The following SLC35F1 variants were observed in gnomAD, a reference collection of about 807,000 sequenced individuals.
SLC35F1 encodes the protein chromosome 6 open reading frame 169.
A neutral mutation model predicts 48.7 loss-of-function variants in SLC35F1; 14 were observed. That is an observed-to-expected ratio of 0.29 (90% CI 0.19 to 0.45). The LOEUF (loss-of-function observed/expected upper bound fraction) is 0.45, where lower values mean the gene tolerates loss of function less well. Ranked by LOEUF, SLC35F1 falls within the 20% of genes least tolerant of loss-of-function variation. The pLI, the probability that SLC35F1 is intolerant of heterozygous loss-of-function variation, is 1.00. For synonymous variants in SLC35F1, 190 were observed against 202.2 expected, an observed-to-expected ratio of 0.94 and a Z score of 0.51; for missense variants, 404 against 500.0, an observed-to-expected ratio of 0.81 and a Z score of 1.83.
chr6:118,039,260 C>A (rs1772176510), intron 1 of SLC35F1, among the ~76,000 whole-genome samples: 1 of 151,792 alleles, frequency 6.6e-6, no homozygotes. Context: ...TATCATTTTT[C>A]TCTAGTTCAT....
chr6:118,122,258 A>C (rs1054674351), intron 1 of SLC35F1, among the ~76,000 whole-genome samples: 8 of 151,050 alleles, frequency 5.3e-5, no homozygotes, highest in Non-Finnish European at 7.4e-5. Flanking sequence ...AAAAAAAAAA[A>C]CATGAAAATG....
At chr6:118,027,697 T>G (rs1372493474) in intron 1 of SLC35F1, among the ~76,000 whole-genome samples, 1 of 152,116 alleles carries the variant, frequency 6.6e-6, no homozygotes, top group Non-Finnish European at 1.5e-5. Context: ...TCATATATTC[T>G]AGATACAAGC....
At chr6:118,043,902 AG>A (rs1477543690) in intron 1 of SLC35F1, among the ~76,000 whole-genome samples, 1 of 152,198 alleles carries the variant, frequency 6.6e-6, no homozygotes, top group African/African-American at 2.4e-5. Flanking sequence ...GGCCTTTTAG[AG>A]GAATCTGATT....
chr6:118,075,511 A>C (rs7757090), intron 1 of SLC35F1, among the ~76,000 whole-genome samples: 26,697 of 152,230 alleles, frequency 0.18, 2,578 homozygotes, highest in Admixed American at 0.28. Context: ...GCAAAGATTA[A>C]GATGACAAAT....
chr6:118,179,317 G>A (rs377569155), intron 2 of SLC35F1, among the ~76,000 whole-genome samples: 1 of 152,156 alleles, frequency 6.6e-6, no homozygotes, highest in African/African-American at 2.4e-5. Flanking sequence ...CTGAGAACAG[G>A]AAGAAAAGGA....
intron 1 of SLC35F1, among the ~76,000 whole-genome samples, chr6:118,136,303 C>T (rs1378091062): frequency 6.6e-6 from 1 of 152,224 alleles, no homozygotes; most frequent in South Asian, 2.1e-4. Context: ...TGTTTTATGT[C>T]TAGACCTCTC....
At chr6:118,237,643 G>A (rs1188473196) in intron 3 of SLC35F1, among the ~76,000 whole-genome samples, 1 of 152,120 alleles carries the variant, frequency 6.6e-6, no homozygotes, top group Non-Finnish European at 1.5e-5. Flanking sequence ...GCCCACCTCA[G>A]CCTCCTAAAG....
At chr6:118,245,457 T>G (rs529074220) in intron 3 of SLC35F1, among the ~76,000 whole-genome samples, 8 of 152,252 alleles carry the variant, frequency 5.3e-5, no homozygotes, top group African/African-American at 1.9e-4. Flanking sequence ...TGGCTAGTAG[T>G]TGGATGTGCA....
At chr6:118,107,229 T>C (rs1271532601) in intron 1 of SLC35F1, among the ~76,000 whole-genome samples, 2 of 152,224 alleles carry the variant, frequency 1.3e-5, no homozygotes, top group Non-Finnish European at 2.9e-5. Context: ...TGTTTAAAGC[T>C]GCTTAAGTCT....
At chr6:117,962,668 C>T (rs1776514196) in intron 1 of SLC35F1, among the ~76,000 whole-genome samples, 1 of 152,192 alleles carries the variant, frequency 6.6e-6, no homozygotes, top group South Asian at 2.1e-4. Context: ...AGACACTGGA[C>T]TCCCCTGGAG....
At chr6:118,195,465 T>C (rs921305239) in intron 2 of SLC35F1, among the ~76,000 whole-genome samples, 1 of 152,154 alleles carries the variant, frequency 6.6e-6, no homozygotes, top group Admixed American at 6.5e-5. Context: ...ACCTAAAGTA[T>C]TGGCTTTGCT....
intron 2 of SLC35F1, among the ~76,000 whole-genome samples, chr6:118,193,762 T>C (rs1207421585): frequency 2.0e-5 from 3 of 152,128 alleles, no homozygotes; most frequent in Non-Finnish European, 4.4e-5. Context: ...CTTTCCAGCA[T>C]AGCTAGGGGT....
chr6:118,096,096 A>G (rs1464639981), intron 1 of SLC35F1, among the ~76,000 whole-genome samples: 1 of 152,144 alleles, frequency 6.6e-6, no homozygotes, highest in Non-Finnish European at 1.5e-5. Flanking sequence ...AGATTGGAAT[A>G]CTCCTGCTAA....
chr6:118,271,765 T>C (rs1775855001), intron 4 of SLC35F1, among the ~76,000 whole-genome samples: 1 of 152,182 alleles, frequency 6.6e-6, no homozygotes, highest in Admixed American at 6.5e-5. Context: ...TTGATTGGAA[T>C]CAAGGAGCAA....
At chr6:118,115,991 T>G (rs938557423) in intron 1 of SLC35F1, among the ~76,000 whole-genome samples, 2 of 152,230 alleles carry the variant, frequency 1.3e-5, no homozygotes, top group African/African-American at 2.4e-5. Context: ...TATAGATCTG[T>G]TCGAAGTCCA....
At chr6:117,936,613 T>C (rs1776166064) in intron 1 of SLC35F1, among the ~76,000 whole-genome samples, 1 of 152,234 alleles carries the variant, frequency 6.6e-6, no homozygotes, top group Admixed American at 6.5e-5. Flanking sequence ...TCTAGCACTG[T>C]TGTGAATTTA....
chr6:117,975,891 C>A (rs747032086), intron 1 of SLC35F1, among the ~76,000 whole-genome samples: 3 of 152,160 alleles, frequency 2.0e-5, no homozygotes. Context: ...GGAAATTCTG[C>A]TTTTTACATG....
chr6:118,035,682 ATT>A (rs745704672), intron 1 of SLC35F1, among the ~76,000 whole-genome samples: 371 of 87,302 alleles, frequency 4.2e-3, no homozygotes, highest in African/African-American at 0.017. Flanking sequence ...GGCTTTGTTA[ATT>A]TTTTTTTTTT....
chr6:118,114,272 C>T (rs182547111), intron 1 of SLC35F1, among the ~76,000 whole-genome samples: 3 of 152,172 alleles, frequency 2.0e-5, no homozygotes, highest in Non-Finnish European at 2.9e-5. Context: ...AAATTATCAT[C>T]GCAATTATGT....
Sources: allele counts gnomAD v4.1 joint callset (sites outside exome capture counted in the v4.1 genomes callset), GRCh38; gene constraint gnomAD v4.1.1; transcripts MANE v1.5; gene names NCBI Gene and HGNC (gene_info 2026-07-23, HGNC 2026-07-21).